RPS6KA5: variants seen among roughly 807,000 people sequenced by gnomAD.
RPS6KA5 encodes the protein ribosomal protein S6 kinase A5, also known as ribosomal protein S6 kinase alpha-5.
Under a neutral mutation model 85.5 loss-of-function variants are expected in RPS6KA5, and 27 were observed. The ratio of observed to expected loss-of-function variants is 0.32; its 90% CI spans 0.23 to 0.44. The LOEUF (loss-of-function observed/expected upper bound fraction) is 0.44, where lower values mean the gene tolerates loss of function less well. Ranked by LOEUF, RPS6KA5 falls within the 20% of genes least tolerant of loss-of-function variation. RPS6KA5 has a pLI of 1.00. For synonymous variants in RPS6KA5, 334 were observed against 348.2 expected, an observed-to-expected ratio of 0.96 and a Z score of 0.46; for missense variants, 811 against 980.9, an observed-to-expected ratio of 0.83 and a Z score of 2.31.
At chr14:91,038,772 C>T (rs2042494140) in intron 1 of RPS6KA5, among the ~76,000 whole-genome samples, 1 of 152,212 alleles carries the variant, frequency 6.6e-6, no homozygotes, top group Non-Finnish European at 1.5e-5. Context: ...CAAAATGTCT[C>T]ATGGCCAGTG....
In RPS6KA5 at chr14:90,978,781, C is replaced by T. The variant is rs569158631; in HGVS notation, c.176-257G>A. On this transcript the variant is annotated intron_variant, in intron 2 of 16. Transcript: ENST00000614987. ...TTTACTCTTTTACTGTTATTCTCTC[C>T]GCAATATTTTTAGCTGTAGAAAACT... is the stretch of plus-strand genomic sequence containing the variant. 7.2e-5 allele frequency among the ~76,000 whole-genome samples: 11 copies of T among 152,160 alleles called. No homozygotes were observed. The South Asian group carries it at 1.7e-3, about 23-fold the overall frequency.
At chr14:90,899,302 GAAAAAA>G (rs11380703) in intron 12 of RPS6KA5, 21 bp downstream of exon 12, 5 of 1,280,668 alleles carry the variant, frequency 3.9e-6, no homozygotes, top group Non-Finnish European at 3.2e-6. Flanking sequence ...GTACACATGG[GAAAAAA>G]AAAAAAAAAA....
At position 90,996,709 on chromosome 14, in the gene RPS6KA5, A is replaced by G. The variant is rs570892253; in HGVS notation, c.175+4379T>C. Among the ~76,000 whole-genome samples, 23 of 152,186 alleles carry G rather than the reference A, an allele frequency of 1.5e-4. No homozygotes were observed. The South Asian group carries it at 1.7e-3, about 11-fold the overall frequency. On this transcript the variant is annotated intron_variant, in intron 2 of 16. Transcript: ENST00000614987. ...TTTGCTTTTGATAAAAAACATAAAA[A>G]CTGACATTTCTAAAACTTTAATATG...
chr14:90,939,003 C>G (rs1397147686), intron 5 of RPS6KA5, among the ~76,000 whole-genome samples: 1 of 152,190 alleles, frequency 6.6e-6, no homozygotes, highest in Non-Finnish European at 1.5e-5. Flanking sequence ...TGTCAGGCTG[C>G]AAATTTTCCG....
In RPS6KA5 at chr14:91,060,435, C is replaced by G; in HGVS notation, c.-1G>C. The G allele has an allele frequency of 2.7e-6, 4 of 1,478,270 alleles. No individual in the cohort carries two copies. The highest frequency in any genetic ancestry group is 3.6e-6 in the Non-Finnish European group (4 of 1,106,186). 91.6% of individuals were successfully genotyped at this position (1,478,270 alleles called of 1,614,324 possible). A position where few individuals can be genotyped will look rare whatever the true frequency, so the allele number is the denominator to read the frequency against. Reference sequence around the variant, plus strand: ...CGCTGCTGCCACCCTCCTCCTCCATCTTCTCCTTTTTTTCCGATCCCGCGG... The same window carrying G: ...CGCTGCTGCCACCCTCCTCCTCCATGTTCTCCTTTTTTTCCGATCCCGCGG... On this transcript the variant is annotated 5_prime_UTR_variant, in exon 1 of 17. Transcript: ENST00000614987.
At chr14:91,050,675 C>T (rs1249033646) in intron 1 of RPS6KA5, among the ~76,000 whole-genome samples, 1 of 152,082 alleles carries the variant, frequency 6.6e-6, no homozygotes, top group Non-Finnish European at 1.5e-5. Flanking sequence ...GTGATACACC[C>T]GCCTCAGCCT....
chr14:90,930,972 T>C (rs1018527279), intron 5 of RPS6KA5, among the ~76,000 whole-genome samples: 3 of 152,116 alleles, frequency 2.0e-5, no homozygotes, highest in African/African-American at 7.2e-5. Context: ...CTATGGAAAA[T>C]AGTATAAATG....
In RPS6KA5 at chr14:90,848,193, A is replaced by T. The variant is rs986859943; in HGVS notation, c.*23881T>A. 6.6e-6 allele frequency: 1 copy of T among 152,240 alleles called. No individual in the cohort carries two copies. Among genetic ancestry groups the T allele is most frequent in the Non-Finnish European group, 1.5e-5 (1 of 68,042 alleles). 9.4% of individuals were successfully genotyped at this position (152,240 alleles called of 1,614,324 possible). A position where few individuals can be genotyped will look rare whatever the true frequency, so the allele number is the denominator to read the frequency against. Reference sequence around the variant, plus strand: ...AGCTATAGAATTCTGAAAATTCTCAATAAATAGTTACTAGTATAAAAATGC... The same window carrying T: ...AGCTATAGAATTCTGAAAATTCTCATTAAATAGTTACTAGTATAAAAATGC... On this transcript the variant is annotated 3_prime_UTR_variant, in exon 17 of 17. Transcript: ENST00000614987.
At position 91,060,489 on chromosome 14, in the gene RPS6KA5, CG is replaced by C. The variant is rs2043622925; in HGVS notation, c.-56del. The C allele has an allele frequency of 5.3e-6, 7 of 1,309,362 alleles. No individual in the cohort carries two copies. Among genetic ancestry groups the C allele is most frequent in the African/African-American group, 1.5e-5 (1 of 65,100 alleles). 81.1% of individuals were successfully genotyped at this position (1,309,362 alleles called of 1,614,324 possible). A position where few individuals can be genotyped will look rare whatever the true frequency, so the allele number is the denominator to read the frequency against. On this transcript the variant is annotated 5_prime_UTR_variant, in exon 1 of 17. Transcript: ENST00000614987. ...GCTACGAGGGGAACCCAGGAGACAG[CG>C]GACGCCCGTCCCCTCGCAGCCGCTG... is the stretch of plus-strand genomic sequence containing the variant.
At chr14:90,911,211 T>C (rs1201449921) in intron 7 of RPS6KA5, 5 of 152,244 alleles carry the variant, frequency 3.3e-5, no homozygotes, top group Non-Finnish European at 7.3e-5. Flanking sequence ...CACTGCTTTA[T>C]TTCCAGGGCC....
At chr14:90,986,210 A>C (rs1286064) in intron 2 of RPS6KA5, among the ~76,000 whole-genome samples, 28,296 of 152,214 alleles carry the variant, frequency 0.19, 2,783 homozygotes, top group East Asian at 0.32. Context: ...ATGTTCAAAA[A>C]ATATATAATG....
At chr14:90,931,731 C>T (rs1566756670) in intron 5 of RPS6KA5, among the ~76,000 whole-genome samples, 1 of 152,012 alleles carries the variant, frequency 6.6e-6, no homozygotes, top group East Asian at 1.9e-4. Context: ...AAATCAATAA[C>T]ATCAGGGGAA....
At position 90,866,496 on chromosome 14, in the gene RPS6KA5, C is replaced by T. The variant is rs951686931; in HGVS notation, c.*5578G>A. 2 of 152,138 alleles carry T rather than the reference C, an allele frequency of 1.3e-5. No individual in the cohort carries two copies. Among genetic ancestry groups the T allele is most frequent in the Non-Finnish European group, 2.9e-5 (2 of 68,046 alleles). The allele number at this position is 152,138 out of a possible 1,614,324, so 9.4% of individuals were successfully genotyped here. ...CAAAGGCAACTCATTTGAGCTGAGGCTTGGCTATACTTTTAATTGTCCACA... is the reference window on the plus strand; with the variant it reads ...CAAAGGCAACTCATTTGAGCTGAGGTTTGGCTATACTTTTAATTGTCCACA... On this transcript the variant is annotated 3_prime_UTR_variant, in exon 17 of 17. Transcript: ENST00000614987.
chr14:90,885,807 A>G (rs2034187103), intron 14 of RPS6KA5, among the ~76,000 whole-genome samples: 1 of 149,606 alleles, frequency 6.7e-6, no homozygotes, highest in Non-Finnish European at 1.5e-5. Flanking sequence ...CTTTATAAAT[A>G]AAGTTTTCTT....
chr14:90,890,807 G>C (rs2034509601), intron 13 of RPS6KA5, 129 bp from the exon 14 acceptor site: 1 of 710,852 alleles, frequency 1.4e-6, no homozygotes, highest in South Asian at 1.8e-5. Context: ...GGAGGCGCGA[G>C]GGCAGGACAT....
At chr14:90,914,575 C>A (rs2036012114) in intron 7 of RPS6KA5, among the ~76,000 whole-genome samples, 2 of 152,054 alleles carry the variant, frequency 1.3e-5, no homozygotes, top group South Asian at 4.2e-4. Flanking sequence ...TTGGCCTCCC[C>A]AAGTGCTAGG....
At chr14:90,910,233 A>G (rs928193958) in intron 7 of RPS6KA5, among the ~76,000 whole-genome samples, 1 of 152,236 alleles carries the variant, frequency 6.6e-6, no homozygotes, top group African/African-American at 2.4e-5. Flanking sequence ...AACGGCATGT[A>G]AAAAACCAAA....
chr14:91,060,508 A>C lies in RPS6KA5; in HGVS notation c.-74T>G. 1 of 1,253,438 alleles carries C rather than the reference A, an allele frequency of 8.0e-7. No individual in the cohort carries two copies. Among genetic ancestry groups the C allele is most frequent in the Non-Finnish European group, 1.0e-6 (1 of 991,340 alleles). The allele number at this position is 1,253,438 out of a possible 1,614,324, so 77.6% of individuals were successfully genotyped here. A position where few individuals can be genotyped will look rare whatever the true frequency, so the allele number is the denominator to read the frequency against. ...AGACAGCGGACGCCCGTCCCCTCGC[A>C]GCCGCTGCCGCGGCCCCAGGAGTCG... On this transcript the variant is annotated 5_prime_UTR_variant, in exon 1 of 17. Transcript: ENST00000614987.
chr14:91,024,611 T>A (rs996025669), intron 1 of RPS6KA5, among the ~76,000 whole-genome samples: 3 of 152,220 alleles, frequency 2.0e-5, no homozygotes, highest in African/African-American at 7.2e-5. Flanking sequence ...TAATTTTCTC[T>A]TTCTCTTCAC....
Sources: allele counts gnomAD v4.1 joint callset (sites outside exome capture counted in the v4.1 genomes callset), GRCh38; gene constraint gnomAD v4.1.1; transcripts MANE v1.5; gene names NCBI Gene and HGNC (gene_info 2026-07-23, HGNC 2026-07-21).